The following ERMP1 variants were observed in gnomAD, a reference collection of about 807,000 sequenced individuals.
ERMP1 encodes Felix-ina.
Under a neutral mutation model 92.0 loss-of-function variants are expected in ERMP1, and 86 were observed. That is an observed-to-expected ratio of 0.93 (90% CI 0.79 to 1.12). ERMP1 has a LOEUF of 1.12. ERMP1 is among the 50% of genes most tolerant of loss of function. The pLI is 0.00. For synonymous variants in ERMP1, 530 were observed against 412.8 expected (o/e 1.28, Z -3.44); for missense variants, 1,342 against 1,116.3 (o/e 1.20, Z -2.88).
chr9:5,804,562 G>C (rs1380235599), intron 10 of ERMP1, among the ~76,000 whole-genome samples: 1 of 152,150 alleles, frequency 6.6e-6, no homozygotes, highest in East Asian at 1.9e-4. Flanking sequence ...GTAGCAACAA[G>C]GTAGTGGAAT....
intron 4 of ERMP1, among the ~76,000 whole-genome samples, chr9:5,813,962 T>G (rs1217627015): frequency 2.6e-5 from 4 of 151,668 alleles, no homozygotes; most frequent in Non-Finnish European, 2.9e-5. Flanking sequence ...GGATTATACA[T>G]TCCTACTCTT....
chr9:5,829,614 A>G (rs1829863698), intron 2 of ERMP1, among the ~76,000 whole-genome samples: 1 of 152,276 alleles, frequency 6.6e-6, no homozygotes, highest in Non-Finnish European at 1.5e-5. Context: ...CAGATGAGAA[A>G]CTAAGAAGTT....
At chr9:5,788,201 A>T (rs1036901091) in intron 13 of ERMP1, among the ~76,000 whole-genome samples, 3 of 152,334 alleles carry the variant, frequency 2.0e-5, no homozygotes, top group Non-Finnish European at 4.4e-5. Context: ...CATTTGAAAT[A>T]ACCGTAAATT....
chr9:5,839,065 G>C (rs894254854), intron 6 of ERMP1, among the ~76,000 whole-genome samples: 1 of 152,180 alleles, frequency 6.6e-6, no homozygotes, highest in East Asian at 1.9e-4. Flanking sequence ...TAGGAAGGCA[G>C]TTTATAAATT....
chr9:5,834,864 G>C (rs911851511), upstream of ERMP1, among the ~76,000 whole-genome samples: 3 of 151,780 alleles, frequency 2.0e-5, no homozygotes, highest in African/African-American at 7.3e-5. Context: ...CATTATTCAA[G>C]TTACAATCTC....
At chr9:5,804,794 A>G (rs1828807411) in intron 10 of ERMP1, among the ~76,000 whole-genome samples, 1 of 152,092 alleles carries the variant, frequency 6.6e-6, no homozygotes, top group Non-Finnish European at 1.5e-5. Context: ...GAGGTAAATC[A>G]GAGAATTTGG....
At chr9:5,839,173 G>A (rs972289948) in intron 6 of ERMP1, among the ~76,000 whole-genome samples, 8 of 152,142 alleles carry the variant, frequency 5.3e-5, no homozygotes, top group Non-Finnish European at 1.5e-5. Context: ...AAAAAGTTTA[G>A]GGTCAAGATT....
At chr9:5,865,082 T>A (rs1166469340) in intron 5 of ERMP1, among the ~76,000 whole-genome samples, 1 of 152,198 alleles carries the variant, frequency 6.6e-6, no homozygotes, top group Admixed American at 6.5e-5. Context: ...GTACAATTGC[T>A]AGATTAAAAA....
chr9:5,794,498 C>T (rs1678877877), intron 13 of ERMP1, among the ~76,000 whole-genome samples: 1 of 151,786 alleles, frequency 6.6e-6, no homozygotes, highest in South Asian at 2.1e-4. Context: ...AAATTGATAA[C>T]CCTTCAGCCA....
chr9:5,832,866 G>A lies in ERMP1; in HGVS notation c.162C>T (p.Pro54=), dbSNP rs754318547. 27 of 1,521,702 alleles carry A rather than the reference G, an allele frequency of 1.8e-5. No individual in the cohort carries two copies. The highest frequency in any genetic ancestry group is 2.2e-5 in the Non-Finnish European group (25 of 1,143,932). 94.3% of individuals were successfully genotyped at this position (1,521,702 alleles called of 1,614,324 possible). A position where few individuals can be genotyped will look rare whatever the true frequency, so the allele number is the denominator to read the frequency against. The stretch of plus-strand genomic sequence containing the variant: ...CCCTGCTCGCGCCGCCGCTACCCCC[G>A]GGGCTCCTCTTCCGCGTCCTCCCGC... The part of the protein sequence containing the change: ...SGGGRTRKRS[P]GGSGGASRGA... The change falls in exon 1 of 15, where the codon CCC becomes CCT. Residue 54 remains proline (P), a synonymous_variant. Coordinates refer to ENST00000339450, the MANE Select transcript of ERMP1 (RefSeq NM_024896.3).
intron 6 of ERMP1, among the ~76,000 whole-genome samples, chr9:5,850,472 G>C (rs1439937876): frequency 6.6e-6 from 1 of 151,084 alleles, no homozygotes; most frequent in South Asian, 2.1e-4. Context: ...CTGGCCTTCT[G>C]GGGTGGTTGG....
intron 6 of ERMP1, among the ~76,000 whole-genome samples, chr9:5,854,652 T>C (rs757689091): frequency 1.3e-5 from 2 of 152,136 alleles, no homozygotes. Flanking sequence ...TGCCTCAGCC[T>C]GTAGCTGGGA....
intron 6 of ERMP1, among the ~76,000 whole-genome samples, chr9:5,850,429 A>AAT: frequency 7.4e-6 from 1 of 134,446 alleles, no homozygotes; most frequent in Non-Finnish European, 1.6e-5. Context: ...AAAAAAAAAA[A>AAT]GAAGAAGAAG....
chr9:5,846,071 T>C (rs975494658), intron 6 of ERMP1, among the ~76,000 whole-genome samples: 1 of 152,196 alleles, frequency 6.6e-6, no homozygotes, highest in Non-Finnish European at 1.5e-5. Flanking sequence ...GGGTGGATTC[T>C]GCACCCCTAA....
intron 13 of ERMP1, among the ~76,000 whole-genome samples, chr9:5,787,923 G>C (rs1241357490): frequency 6.6e-6 from 1 of 152,160 alleles, no homozygotes; most frequent in Non-Finnish European, 1.5e-5. Flanking sequence ...TGAAAGTGTT[G>C]GCAAAACTGC....
intron 4 of ERMP1, 107 bp downstream of exon 4, chr9:5,823,789 G>A (rs1563768214): frequency 3.9e-6 from 3 of 771,318 alleles, no homozygotes; most frequent in Non-Finnish European, 6.4e-6. Flanking sequence ...TAAAAAGAAT[G>A]CTCATTCAAG....
intron 10 of ERMP1, among the ~76,000 whole-genome samples, chr9:5,802,523 T>G (rs1305462379): frequency 6.6e-6 from 1 of 152,118 alleles, no homozygotes; most frequent in African/African-American, 2.4e-5. Flanking sequence ...TAGCTGAAAT[T>G]ACAAGTGTGC....
intron 2 of ERMP1, among the ~76,000 whole-genome samples, chr9:5,830,191 GT>G (rs1244863719): frequency 4.0e-5 from 6 of 150,916 alleles, no homozygotes; most frequent in African/African-American, 7.3e-5. Flanking sequence ...TAAAACATGA[GT>G]TTTTTTTTTT....
chr9:5,854,450 T>A (rs1353040842), intron 6 of ERMP1, among the ~76,000 whole-genome samples: 1 of 152,206 alleles, frequency 6.6e-6, no homozygotes, highest in African/African-American at 2.4e-5. Flanking sequence ...ACTGTCAGCA[T>A]CAAGAGGTAG....
Sources: allele counts gnomAD v4.1 joint callset (sites outside exome capture counted in the v4.1 genomes callset), GRCh38; gene constraint gnomAD v4.1.1; transcripts MANE v1.5; gene names NCBI Gene and HGNC (gene_info 2026-07-23, HGNC 2026-07-21).